Variants in NUP205 observed in about 807,000 individuals in gnomAD.
NUP205 encodes the protein nuclear pore complex protein Nup205.
In NUP205, 76 loss-of-function variants were observed where a neutral mutation model predicts 253.8. The ratio of observed to expected loss-of-function variants is 0.30; its 90% CI spans 0.25 to 0.36. The LOEUF (loss-of-function observed/expected upper bound fraction) is 0.36, where lower values mean the gene tolerates loss of function less well. Among genes scored for constraint, NUP205 ranks in the 10% least tolerant of loss-of-function variants. The pLI is 1.00. For synonymous variants in NUP205, 832 were observed against 850.1 expected, an observed-to-expected ratio of 0.98 and a Z score of 0.37; for missense variants, 2,162 against 2,425.5, an observed-to-expected ratio of 0.89 and a Z score of 2.28.
Position 135,626,360 on chromosome 7 carries a change from A to T in NUP205, c.4792A>T (p.Ser1598Cys), listed in dbSNP as rs1457519366. ...CATGCGCCCAGAAACGGACCCGCAG[A>T]GGTAAGTGTCTGTATAGATTAATTT... ...YDMRPETDPQ[S>C]MFGMRDPPMF... The change falls in exon 33 of 43, where the codon AGC (serine) becomes TGC (cysteine). Residue 1598 changes from serine to cysteine, a missense_variant and splice_region_variant. By Grantham distance (112) the Ser-to-Cys change is moderately radical. Coordinates refer to ENST00000285968, the MANE Select transcript of NUP205 (RefSeq NM_015135.3). 6.2e-7 allele frequency: 1 copy of T among 1,613,914 alleles called. No individual in the cohort carries two copies. The highest frequency in any genetic ancestry group is 8.5e-7 in the Non-Finnish European group (1 of 1,179,958).
At chr7:135,624,029 G>A (rs1298219072) in intron 31 of NUP205, among the ~76,000 whole-genome samples, 3 of 152,134 alleles carry the variant, frequency 2.0e-5, no homozygotes, top group South Asian at 2.1e-4. Context: ...TGATCCTCCC[G>A]CCTCGGCCTC....
At chr7:135,596,978 A>G (rs1793855135) in intron 13 of NUP205, among the ~76,000 whole-genome samples, 1 of 151,532 alleles carries the variant, frequency 6.6e-6, no homozygotes, top group Non-Finnish European at 1.5e-5. Flanking sequence ...AAAAAAATTG[A>G]AAAAAAGAAG....
chr7:135,590,504 C>G (rs115785567), intron 10 of NUP205, among the ~76,000 whole-genome samples: 5,137 of 151,768 alleles, frequency 0.034, 116 homozygotes, highest in Middle Eastern at 0.1. Flanking sequence ...AAGTATATCT[C>G]TCTTAAAAAT....
At chr7:135,621,378 C>T (rs1003848162) in intron 30 of NUP205, among the ~76,000 whole-genome samples, 1 of 152,132 alleles carries the variant, frequency 6.6e-6, no homozygotes, top group African/African-American at 2.4e-5. Context: ...CCACATTTTT[C>T]TTTTGTGTGT....
intron 15 of NUP205, among the ~76,000 whole-genome samples, chr7:135,600,366 G>A (rs1793941754): frequency 6.6e-6 from 1 of 152,158 alleles, no homozygotes; most frequent in Non-Finnish European, 1.5e-5. Context: ...CTGAGAATGA[G>A]AAGGCCTGGG....
rs74451039 is a variant in NUP205 at position 135,622,839 on chromosome 7, G to A, written c.4393G>A (p.Glu1465Lys). 1.2e-6 allele frequency: 2 copies of A among 1,614,134 alleles called. No individual in the cohort carries two copies. Among genetic ancestry groups the A allele is most frequent in the South Asian group, 2.2e-5 (2 of 91,082 alleles). The change falls in exon 31 of 43, where the codon GAA (glutamate) becomes AAA (lysine). Residue 1465 changes from glutamate to lysine, a missense_variant. Coordinates refer to ENST00000285968, the MANE Select transcript of NUP205 (RefSeq NM_015135.3). ...PEDVFSKLQR[E>K]NIAIIESYGA... ...AGATGTATTTAGCAAATTACAGCGA[G>A]AAAACATAGCCATTATTGAAAGTTA...
rs767221489 is a variant in NUP205, at chr7:135,614,248, G to A, written c.3285G>A (p.Leu1095=). The A allele has an allele frequency of 1.9e-6, 3 of 1,601,524 alleles. No homozygotes were observed. The highest frequency in any genetic ancestry group is 2.2e-5 in the South Asian group (2 of 90,788). Residue 1095 remains leucine (L), a synonymous_variant, in exon 23 of 43, where the codon TTG becomes TTA. Coordinates refer to ENST00000285968, the MANE Select transcript of NUP205 (RefSeq NM_015135.3). The part of the protein sequence containing the change: ...RTSQDFLFSQ[L]QYLPFSNKEY... ...GCCAGGATTTCTTATTTTCCCAGTT[G>A]CAGTATCTACCATTTTCTAACAAAG...
At chr7:135,567,177 T>TAA (rs1805804076) in intron 1 of NUP205, among the ~76,000 whole-genome samples, 1 of 111,258 alleles carries the variant, frequency 9.0e-6, no homozygotes. Context: ...TATATATATA[T>TAA]ATATGTATAT....
intron 30 of NUP205, among the ~76,000 whole-genome samples, chr7:135,620,399 G>A (rs1476194724): frequency 2.0e-5 from 3 of 152,190 alleles, no homozygotes; most frequent in Non-Finnish European, 2.9e-5. Flanking sequence ...CAGCCATGGT[G>A]GCAGGCATCT....
rs12530845 is a variant in NUP205, at chr7:135,645,230, T to C, written c.5683+212T>C. ...GATAAAATACATGGGCACTTTCTGT[T>C]AGGGAAGAAGGTAGGGACATGAGAC... On this transcript the variant is annotated intron_variant, in intron 40 of 42. Transcript: ENST00000285968. Among the ~76,000 whole-genome samples, 32,186 of 152,150 alleles carry C rather than the reference T, an allele frequency of 0.21. 3,521 individuals carry two copies. The highest frequency in any genetic ancestry group is 0.31 in the South Asian group (1,511 of 4,820).
intron 19 of NUP205, 63 bp downstream of exon 19, chr7:135,604,523 G>T: frequency 1.4e-6 from 2 of 1,456,574 alleles, no homozygotes; most frequent in South Asian, 2.6e-5. Context: ...ATATATGGAA[G>T]TTCTAGTGTC....
At chr7:135,567,448 GCAAA>G (rs1241000558) in intron 1 of NUP205, among the ~76,000 whole-genome samples, 8 of 98,590 alleles carry the variant, frequency 8.1e-5, no homozygotes, top group South Asian at 3.3e-4. Flanking sequence ...AAAAAAAAAA[GCAAA>G]CAAACAGAAA....
intron 30 of NUP205, among the ~76,000 whole-genome samples, chr7:135,621,251 A>C (rs1794464724): frequency 6.6e-6 from 1 of 152,258 alleles, no homozygotes; most frequent in African/African-American, 2.4e-5. Context: ...TAAATAATGC[A>C]TGAGAATATT....
chr7:135,568,836 G>A (rs1195533360), intron 1 of NUP205, among the ~76,000 whole-genome samples: 1 of 152,130 alleles, frequency 6.6e-6, no homozygotes, highest in African/African-American at 2.4e-5. Context: ...GCTGATGTTT[G>A]TTGCCCAGAT....
At chr7:135,611,897 G>T (rs991799580) in intron 22 of NUP205, among the ~76,000 whole-genome samples, 2 of 152,084 alleles carry the variant, frequency 1.3e-5, no homozygotes, top group African/African-American at 4.8e-5. Flanking sequence ...GGTGGATCAT[G>T]AGGTCAGGAG....
intron 1 of NUP205, among the ~76,000 whole-genome samples, chr7:135,569,296 C>T (rs767859721): frequency 1.1e-4 from 17 of 152,216 alleles, no homozygotes; most frequent in Non-Finnish European, 2.9e-5. Flanking sequence ...TGGTCTCAAA[C>T]TCCTGACCTC....
chr7:135,626,673 C>G (rs1056226081), intron 33 of NUP205, among the ~76,000 whole-genome samples: 1 of 152,060 alleles, frequency 6.6e-6, no homozygotes, highest in Non-Finnish European at 1.5e-5. Flanking sequence ...TATGGATTTC[C>G]TGTTCCGGAT....
In NUP205 at chr7:135,622,840, A is replaced by G; in HGVS notation, c.4394A>G (p.Glu1465Gly). ...PEDVFSKLQRENIAIIESYGA... is the reference protein window; with the variant it reads ...PEDVFSKLQRGNIAIIESYGA... The stretch of plus-strand genomic sequence containing the variant: ...GATGTATTTAGCAAATTACAGCGAG[A>G]AAACATAGCCATTATTGAAAGTTAT... The change falls in exon 31 of 43, where the codon GAA (glutamate) becomes GGA (glycine). Residue 1465 changes from glutamate (E) to glycine (G), a missense_variant. Physicochemically the swap from Glu to Gly is moderately conservative, Grantham distance 98. This residue lies in a region of NUP205 where 1,144 missense variants were observed against 1,280.9 expected (regional missense o/e 0.89). Transcript: ENST00000285968. The G allele has an allele frequency of 6.2e-7, 1 of 1,614,192 alleles. No homozygotes were observed. Among genetic ancestry groups the G allele is most frequent in the Non-Finnish European group, 8.5e-7 (1 of 1,180,010 alleles).
chr7:135,573,559 G>C (rs1806059259), intron 2 of NUP205, 95 bp from the exon 3 acceptor site: 2 of 805,246 alleles, frequency 2.5e-6, no homozygotes, highest in Non-Finnish European at 3.9e-6. Context: ...CATGTTACCA[G>C]GCTGAATTAT....
Sources: gnomAD v4.1 joint callset for allele counts (sites outside exome capture counted in the v4.1 genomes callset) on GRCh38, gnomAD v4.1.1 for gene constraint, gnomAD v4.1.1 regional missense constraint, MANE v1.5 for transcripts, NCBI Gene and HGNC (gene_info 2026-07-23, HGNC 2026-07-21) for gene names.